The following HECW1 variants were observed in gnomAD, a reference collection of about 807,000 sequenced individuals.
HECW1 encodes E3 ubiquitin-protein ligase HECW1.
Under a neutral mutation model 182.3 loss-of-function variants are expected in HECW1, and 61 were observed. That is an observed-to-expected ratio of 0.33 (90% CI 0.27 to 0.41). HECW1 has a LOEUF of 0.41. HECW1 is among the 10% of genes least tolerant of loss of function. HECW1 has a pLI of 1.00. For synonymous variants in HECW1, 859 were observed against 832.6 expected, an observed-to-expected ratio of 1.03 and a Z score of -0.55; for missense variants, 1,739 against 2,108.9, an observed-to-expected ratio of 0.82 and a Z score of 3.44.
intron 12 of HECW1, among the ~76,000 whole-genome samples, chr7:43,455,167 G>A (rs1054270219): frequency 6.6e-6 from 1 of 151,984 alleles, no homozygotes; most frequent in African/African-American, 2.4e-5. Context: ...TGGGAAGCAA[G>A]GGAACTTTTC....
chr7:43,202,848 T>C (rs1795137052), intron 2 of HECW1, among the ~76,000 whole-genome samples: 2 of 152,198 alleles, frequency 1.3e-5, no homozygotes, highest in Admixed American at 6.5e-5. Flanking sequence ...CATTACCTTG[T>C]GAAATTCCTT....
At chr7:43,241,891 G>T (rs1007817949) in intron 2 of HECW1, among the ~76,000 whole-genome samples, 1 of 152,132 alleles carries the variant, frequency 6.6e-6, no homozygotes, top group African/African-American at 2.4e-5. Flanking sequence ...GGGGGAAGGG[G>T]AAGCACAGGG....
At chr7:43,210,494 TC>T (rs1309078606) in intron 2 of HECW1, among the ~76,000 whole-genome samples, 1 of 150,162 alleles carries the variant, frequency 6.7e-6, no homozygotes, top group Non-Finnish European at 1.5e-5. Context: ...TTACAGGGCG[TC>T]CTTGCTCCCA....
chr7:43,135,493 G>T (rs943940389), intron 2 of HECW1, among the ~76,000 whole-genome samples: 4 of 152,124 alleles, frequency 2.6e-5, no homozygotes, highest in Non-Finnish European at 4.4e-5. Flanking sequence ...TCCCACCCCA[G>T]ATCTGTCCAT....
chr7:43,394,780 G>C (rs1452888301), intron 6 of HECW1, among the ~76,000 whole-genome samples: 1 of 152,176 alleles, frequency 6.6e-6, no homozygotes, highest in African/African-American at 2.4e-5. Context: ...AATTGCAATA[G>C]AGAAAGAGTA....
chr7:43,169,288 G>A (rs138047386), intron 2 of HECW1, among the ~76,000 whole-genome samples: 1 of 152,322 alleles, frequency 6.6e-6, no homozygotes, highest in African/African-American at 2.4e-5. Flanking sequence ...GCCTAGAGCT[G>A]TGTTTCCCAG....
Position 43,444,377 on chromosome 7 carries a change from C to A in HECW1, c.1205C>A (p.Pro402His). Residue 402 changes from proline (P) to histidine (H), a missense_variant, in exon 11 of 30, where the codon CCC becomes CAC. By Grantham distance (77) the Pro-to-His change is moderately conservative (BLOSUM62 -2). Around this residue, in one of 5 missense-constraint regions of HECW1, gnomAD observed 971 missense variants for 1,029.1 expected, o/e 0.94. Transcript: ENST00000395891. The surrounding 1 kb of genome is among the most constrained non-coding windows in gnomAD (Gnocchi z 4.3). ...GAGCAGCTGGGTGAGGGCAGTGTCC[C>A]CGATGGTCCAGGGAACCAAAGCATA... ...KPEQLGEGSV[P>H]DGPGNQSIEL... 1 of 1,614,050 alleles carries A rather than the reference C, an allele frequency of 6.2e-7. No homozygotes were observed. The highest frequency in any genetic ancestry group is 8.5e-7 in the Non-Finnish European group (1 of 1,179,996).
At chr7:43,465,313 G>A (rs1384189622) in intron 14 of HECW1, among the ~76,000 whole-genome samples, 1 of 152,232 alleles carries the variant, frequency 6.6e-6, no homozygotes, top group Non-Finnish European at 1.5e-5. Context: ...AATTTGAGCT[G>A]AGCTCAGCTG....
At chr7:43,453,160 G>C (rs1236842222) in intron 12 of HECW1, among the ~76,000 whole-genome samples, 8 of 152,210 alleles carry the variant, frequency 5.3e-5, no homozygotes, top group Non-Finnish European at 1.2e-4. Flanking sequence ...CCAAGTTGCT[G>C]TGTAGGGAAT....
In HECW1 at chr7:43,401,022, A is replaced by G. The variant is rs559376997; in HGVS notation, c.631+4133A>G. Among the ~76,000 whole-genome samples the G allele has an allele frequency of 5.9e-5, 9 of 152,320 alleles. No individual in the cohort carries two copies. In the East Asian group the frequency reaches 1.5e-3, roughly 26 times the overall value. On this transcript the variant is annotated intron_variant, in intron 7 of 29. Coordinates refer to ENST00000395891, the MANE Select transcript of HECW1 (RefSeq NM_015052.5). ...TCCATCTGACAAGGACTCTGTGATT[A>G]CGTTGCACTCACCTGGACAGTCCAG...
chr7:43,488,480 G>GAAAGAAAAGA (rs1563046665), intron 17 of HECW1, among the ~76,000 whole-genome samples: 35 of 147,778 alleles, frequency 2.4e-4, no homozygotes, highest in African/African-American at 8.6e-4. Flanking sequence ...AAGAAAGAAA[G>GAAAGAAAAGA]AAAGAAAGAG....
rs2076664318 is a variant in HECW1, at chr7:43,434,948, G to A, written c.802-3055G>A. On this transcript the variant is annotated intron_variant, in intron 8 of 29. Transcript: ENST00000395891. ...AGAAAGTGTGGAAAATACAGAAAAA[G>A]GAAATGGGGGAAAATATATTCTTAC... Among the ~76,000 whole-genome samples, 3 of 152,044 alleles carry A rather than the reference G, an allele frequency of 2.0e-5. No homozygotes were observed. The South Asian group carries it at 6.2e-4, about 32-fold the overall frequency.
intron 21 of HECW1, among the ~76,000 whole-genome samples, chr7:43,502,493 C>A (rs1389249493): frequency 6.6e-6 from 1 of 152,002 alleles, no homozygotes; most frequent in Admixed American, 6.6e-5. Flanking sequence ...CTCATCTCTA[C>A]CAAAAAAAAT....
intron 26 of HECW1, among the ~76,000 whole-genome samples, chr7:43,547,019 G>A (rs1004317523): frequency 7.9e-5 from 12 of 152,064 alleles, no homozygotes; most frequent in African/African-American, 1.2e-4. Context: ...CTGGGAATTC[G>A]TCTGCTGCCT....
At chr7:43,441,537 C>T (rs950645472) in intron 9 of HECW1, among the ~76,000 whole-genome samples, 4 of 140,370 alleles carry the variant, frequency 2.8e-5, no homozygotes, top group South Asian at 2.5e-4. Flanking sequence ...CAAGGACATC[C>T]GTGTCTTTTT....
In HECW1 at chr7:43,554,725, C is replaced by T. The variant is rs1213772338; in HGVS notation, c.4644C>T (p.Leu1548=). The T allele has an allele frequency of 6.8e-6, 11 of 1,614,052 alleles. No individual in the cohort carries two copies. The highest frequency in any genetic ancestry group is 8.5e-6 in the Non-Finnish European group (10 of 1,180,022). The change falls in exon 29 of 30, where the codon CTC becomes CTT. Residue 1548 remains leucine, a synonymous_variant. Coordinates refer to ENST00000395891, the MANE Select transcript of HECW1 (RefSeq NM_015052.5). ...SSVPYEGFAA[L]RGSNGLRRFC... ...TGCCCTACGAAGGCTTCGCAGCCCTCCGTGGGAGCAATGGGCTTCGGCGCT... is the reference window on the plus strand; with the variant it reads ...TGCCCTACGAAGGCTTCGCAGCCCTTCGTGGGAGCAATGGGCTTCGGCGCT...
chr7:43,165,331 A>G (rs1162464168), intron 2 of HECW1, among the ~76,000 whole-genome samples: 2 of 151,464 alleles, frequency 1.3e-5, no homozygotes, highest in Non-Finnish European at 2.9e-5. Flanking sequence ...ACTTTAGAAC[A>G]CTGTGTATGA....
chr7:43,138,991 G>T lies in HECW1; in HGVS notation c.-32+24600G>T, dbSNP rs1016675076. 6.5e-4 allele frequency among the ~76,000 whole-genome samples: 99 copies of T among 152,118 alleles called. 1 individual carries two copies. Among genetic ancestry groups the T allele is most frequent in the African/African-American group, 2.0e-3 (81 of 41,430 alleles). ...TGCAGACAGACTGGTTTTTTTGTTT[G>T]TTTGTTTGTTTGTTTTAATAACATT... On this transcript the variant is annotated intron_variant, in intron 2 of 29. Coordinates refer to ENST00000395891, the MANE Select transcript of HECW1 (RefSeq NM_015052.5).
At chr7:43,261,527 G>C (rs1801180688) in intron 3 of HECW1, among the ~76,000 whole-genome samples, 1 of 152,192 alleles carries the variant, frequency 6.6e-6, no homozygotes, top group African/African-American at 2.4e-5. Context: ...AGCTGGTGCA[G>C]AGTGACCTGG....
Sources: gnomAD v4.1 joint callset for allele counts (sites outside exome capture counted in the v4.1 genomes callset) on GRCh38, gnomAD v4.1.1 for gene constraint, gnomAD v4.1.1 regional missense constraint, Gnocchi (gnomAD v3.1) non-coding constraint, MANE v1.5 for transcripts, NCBI Gene and HGNC (gene_info 2026-07-23, HGNC 2026-07-21) for gene names.